The following WDR33 variants were observed in gnomAD, a reference collection of about 807,000 sequenced individuals.
WDR33 encodes WD repeat domain 33, also known as pre-mRNA 3' end processing protein WDR33.
Under a neutral mutation model 164.9 loss-of-function variants are expected in WDR33, and 47 were observed. The ratio of observed to expected loss-of-function variants is 0.29; its 90% CI spans 0.23 to 0.36. WDR33 has a LOEUF of 0.36. Among genes scored for constraint, WDR33 ranks in the 10% least tolerant of loss-of-function variants. The pLI is 1.00. For missense variants in WDR33, 1,137 were observed against 1,754.1 expected (o/e 0.65, Z 6.28); for synonymous variants, 505 against 589.0 (o/e 0.86, Z 2.06).
At position 127,735,035 on chromosome 2, in the gene WDR33, TTAGA is replaced by T. The variant is rs1686805568; in HGVS notation, c.725-8262_725-8259del. Among the ~76,000 whole-genome samples, 2 of 152,352 alleles carry T rather than the reference TTAGA, an allele frequency of 1.3e-5. No individual in the cohort carries two copies. The highest frequency in any genetic ancestry group is 4.1e-4 in the South Asian group (2 of 4,824). ...AATAACATGATAAATGGATTAGGTATTAGATATTTGGTGAACAGACATTCTAGAC... is the reference window on the plus strand; with the variant it reads ...AATAACATGATAAATGGATTAGGTATTATTTGGTGAACAGACATTCTAGAC... On this transcript the variant is annotated intron_variant, in intron 7 of 21. Coordinates refer to ENST00000322313, the MANE Select transcript of WDR33 (RefSeq NM_018383.5). The surrounding 1 kb of genome is among the most constrained non-coding windows in gnomAD (Gnocchi z 4.3).
At position 127,713,741 on chromosome 2, in the gene WDR33, A is replaced by G. The variant is rs1307676679; in HGVS notation, c.3150T>C (p.Pro1050=). 6.2e-7 allele frequency: 1 copy of G among 1,614,202 alleles called. No individual in the cohort carries two copies. The highest frequency in any genetic ancestry group is 1.6e-4 in the Middle Eastern group (1 of 6,062). ...PQEEKWRRGG[P]GPPFPPDHRE... is the part of the protein sequence containing the mutation. ...TGTGATCAGGGGGAAACGGAGGCCCAGGGCCCCCTCGCCTCCACTTCTCTT... is the reference window on the plus strand; with the variant it reads ...TGTGATCAGGGGGAAACGGAGGCCCGGGGCCCCCTCGCCTCCACTTCTCTT... The change falls in exon 18 of 22, where the codon CCT becomes CCC. Residue 1050 remains proline (P), a synonymous_variant. Transcript: ENST00000322313. This position sits in a 1 kb window ranked among gnomAD's most constrained non-coding sequence, Gnocchi z 6.2.
chr2:127,742,170 G>A (rs1687035523), intron 7 of WDR33, among the ~76,000 whole-genome samples: 1 of 151,644 alleles, frequency 6.6e-6, no homozygotes, highest in Admixed American at 6.6e-5. Context: ...CTGAGATCGT[G>A]CCATTGCACT....
chr2:127,806,864 A>G (rs755553380), intron 1 of WDR33, among the ~76,000 whole-genome samples: 22 of 152,346 alleles, frequency 1.4e-4, no homozygotes, highest in Admixed American at 2.6e-4. Context: ...GAAAAGCAGT[A>G]TATCTGCAAT....
In WDR33 at chr2:127,710,941, G is replaced by A. The variant is rs186115450; in HGVS notation, c.3309-1085C>T. 4.6e-5 allele frequency among the ~76,000 whole-genome samples: 7 copies of A among 152,202 alleles called. No homozygotes were observed. The East Asian group carries it at 5.8e-4, about 13-fold the overall frequency. On this transcript the variant is annotated intron_variant, in intron 18 of 21. Transcript: ENST00000322313. This position sits in a 1 kb window ranked among gnomAD's most constrained non-coding sequence, Gnocchi z 4.4. ...TTGCCACACGTGCTTTATCTTCTCC[G>A]TCCAGCTACTCACAAACATGTTTTC...
chr2:127,726,021 A>T lies in WDR33; in HGVS notation c.851+630T>A, dbSNP rs1362031509. Among the ~76,000 whole-genome samples, 1 of 152,168 alleles carries T rather than the reference A, an allele frequency of 6.6e-6. No individual in the cohort carries two copies. The highest frequency in any genetic ancestry group is 1.5e-5 in the Non-Finnish European group (1 of 68,040). On this transcript the variant is annotated intron_variant, in intron 8 of 21. Transcript: ENST00000322313. The surrounding 1 kb of genome is among the most constrained non-coding windows in gnomAD (Gnocchi z 4.8). ...CAAGGGAGCATTCACAAGGCATTCCAGGTTGGCATGGTCATTGGGGTTGTA... is the reference window on the plus strand; with the variant it reads ...CAAGGGAGCATTCACAAGGCATTCCTGGTTGGCATGGTCATTGGGGTTGTA...
chr2:127,802,280 GA>G (rs1271551872), intron 1 of WDR33, among the ~76,000 whole-genome samples: 4 of 152,052 alleles, frequency 2.6e-5, no homozygotes, highest in African/African-American at 7.2e-5. Context: ...CTAAGAATGT[GA>G]AAATAAGAAT....
At chr2:127,737,668 G>A (rs1686888676) in intron 7 of WDR33, 1 of 1,044,414 alleles carries the variant, frequency 9.6e-7, no homozygotes, top group Non-Finnish European at 1.2e-6. Context: ...TGAAGCCCCT[G>A]GTAAGGAAGA....
Position 127,763,088 on chromosome 2 carries a change from C to T in WDR33, c.698G>A (p.Arg233His). ...TCGGAGAATTCTTTCCTCATGGCAA[C>T]GAAGAAAGTCCCAGATTCTAACAGT... ...DGTVRIWDFL[R>H]CHEERILRGH... is the part of the protein sequence containing the mutation. The change falls in exon 7 of 22, where the codon CGT becomes CAT. Residue 233 changes from arginine to histidine, a missense_variant. Physicochemically the swap from Arg to His is conservative, Grantham distance 29. This residue lies in a region of WDR33 where 83 missense variants were observed against 189.2 expected (regional missense o/e 0.44). Coordinates refer to ENST00000322313, the MANE Select transcript of WDR33 (RefSeq NM_018383.5). This position sits in a 1 kb window ranked among gnomAD's most constrained non-coding sequence, Gnocchi z 4.5. The T allele has an allele frequency of 3.1e-6, 5 of 1,613,926 alleles. No homozygotes were observed. Among genetic ancestry groups the T allele is most frequent in the Non-Finnish European group, 2.5e-6 (3 of 1,179,900 alleles).
intron 1 of WDR33, among the ~76,000 whole-genome samples, chr2:127,807,406 G>C (rs1208389425): frequency 6.6e-6 from 1 of 152,204 alleles, no homozygotes. Flanking sequence ...ACAGAGTAGA[G>C]AGCAGGTGCC....
chr2:127,783,467 G>C (rs559986971), intron 1 of WDR33, among the ~76,000 whole-genome samples: 1 of 152,210 alleles, frequency 6.6e-6, no homozygotes, highest in Admixed American at 6.5e-5. Context: ...CAAAGCAAAA[G>C]GGTTTTCCTA....
intron 1 of WDR33, among the ~76,000 whole-genome samples, chr2:127,802,816 C>CA (rs1345446319): frequency 6.6e-6 from 1 of 151,748 alleles, no homozygotes; most frequent in Non-Finnish European, 1.5e-5. Flanking sequence ...CAGACTATAC[C>CA]AAAAAACACA....
chr2:127,744,588 C>A (rs558569966), intron 7 of WDR33, among the ~76,000 whole-genome samples: 1 of 152,318 alleles, frequency 6.6e-6, no homozygotes, highest in South Asian at 2.1e-4. Flanking sequence ...GTGCTTACCT[C>A]TGGATGTGAA....
At chr2:127,794,833 CAAA>C (rs990234716) in intron 1 of WDR33, among the ~76,000 whole-genome samples, 144 of 79,298 alleles carry the variant, frequency 1.8e-3, no homozygotes, top group East Asian at 7.9e-3. Flanking sequence ...GACTCCGTTT[CAAA>C]AAAAAAAAAA....
chr2:127,721,292 G>C lies in WDR33; in HGVS notation c.1671+544C>G, dbSNP rs929786055. On this transcript the variant is annotated intron_variant, in intron 15 of 21. Coordinates refer to ENST00000322313, the MANE Select transcript of WDR33 (RefSeq NM_018383.5). The surrounding 1 kb of genome is among the most constrained non-coding windows in gnomAD (Gnocchi z 4.9). ...CCAGCTAATTTTTGTATTTTCAGTAGAGGTGGGGTTTCACCATGTTGACCA... is the reference window on the plus strand; with the variant it reads ...CCAGCTAATTTTTGTATTTTCAGTACAGGTGGGGTTTCACCATGTTGACCA... Among the ~76,000 whole-genome samples the C allele has an allele frequency of 6.6e-6, 1 of 152,090 alleles. No homozygotes were observed. Among genetic ancestry groups the C allele is most frequent in the African/African-American group, 2.4e-5 (1 of 41,420 alleles).
At chr2:127,760,503 C>A (rs1224419216) in intron 7 of WDR33, among the ~76,000 whole-genome samples, 4 of 152,200 alleles carry the variant, frequency 2.6e-5, no homozygotes, top group African/African-American at 7.2e-5. Context: ...TTAAAGAACT[C>A]TCATCATCCC....
At chr2:127,711,780 A>ATTTTTTTTTTTTTTTTTTTTTTTTT (rs1158780905) in intron 18 of WDR33, among the ~76,000 whole-genome samples, 2 of 88,308 alleles carry the variant, frequency 2.3e-5, no homozygotes, top group African/African-American at 1.3e-4. Context: ...ATATATATAT[A>ATTTTTTTTTTTTTTTTTTTTTTTTT]TTTTTTTTTT....
rs141592468 is a variant in WDR33 at position 127,708,759 on chromosome 2, G to A, written c.3699C>T (p.Arg1233=). ...AAGTGCCTGGGCCATCATGCCAGGG[G>A]CGCTTTCGGGGAGGTAGGGATGCCA... ...MDMASLPPRK[R]PWHDGPGTSE... is the part of the protein sequence containing the mutation. The change falls in exon 21 of 22, where the codon CGC becomes CGT. Residue 1233 remains arginine, a synonymous_variant. Coordinates refer to ENST00000322313, the MANE Select transcript of WDR33 (RefSeq NM_018383.5). This position sits in a 1 kb window ranked among gnomAD's most constrained non-coding sequence, Gnocchi z 6.7. 3 of 1,613,790 alleles carry A rather than the reference G, an allele frequency of 1.9e-6. No homozygotes were observed. The African/African-American group carries it at 4.0e-5, about 22-fold the overall frequency.
intron 7 of WDR33, among the ~76,000 whole-genome samples, chr2:127,747,248 T>C (rs576147807): frequency 2.6e-5 from 4 of 152,322 alleles, no homozygotes; most frequent in African/African-American, 9.6e-5. Flanking sequence ...TGCTGTTTTT[T>C]CCATACGAAA....
chr2:127,795,015 A>T (rs1688984005), intron 1 of WDR33, among the ~76,000 whole-genome samples: 1 of 151,660 alleles, frequency 6.6e-6, no homozygotes, highest in Non-Finnish European at 1.5e-5. Flanking sequence ...AATACTTTCT[A>T]TTCTTAAACT....
Sources: gnomAD v4.1 joint callset for allele counts (sites outside exome capture counted in the v4.1 genomes callset) on GRCh38, gnomAD v4.1.1 for gene constraint, gnomAD v4.1.1 regional missense constraint, Gnocchi (gnomAD v3.1) non-coding constraint, MANE v1.5 for transcripts, NCBI Gene and HGNC (gene_info 2026-07-23, HGNC 2026-07-21) for gene names.